The following TBXT variants were observed in gnomAD, a reference collection of about 807,000 sequenced individuals.
TBXT encodes T brachyury transcription factor.
Under a neutral mutation model 41.1 loss-of-function variants are expected in TBXT, and 19 were observed. That is an observed-to-expected ratio of 0.46 (90% CI 0.32 to 0.68). The LOEUF (loss-of-function observed/expected upper bound fraction) is 0.68. TBXT is among the 30% of genes least tolerant of loss of function. The pLI, the probability that TBXT is intolerant of heterozygous loss-of-function variation, is 0.03. For missense variants in TBXT, 536 were observed against 582.0 expected (o/e 0.92, Z 0.81); for synonymous variants, 213 against 238.9 (o/e 0.89, Z 1.00).
intron 2 of TBXT, 56 bp downstream of exon 2, chr6:166,166,536 G>A: frequency 1.2e-6 from 2 of 1,611,610 alleles, no homozygotes; most frequent in Non-Finnish European, 1.7e-6. Context: ...CGTGCAGAAG[G>A]CGCAGCGCGG....
chr6:166,159,109 T>C (rs1778876517), intron 7 of TBXT, among the ~76,000 whole-genome samples: 1 of 152,196 alleles, frequency 6.6e-6, no homozygotes, highest in Non-Finnish European at 1.5e-5. Context: ...GAGGCAGATG[T>C]TGCAGTGAGC....
intron 6 of TBXT, among the ~76,000 whole-genome samples, chr6:166,161,957 G>C (rs1778970896): frequency 6.6e-6 from 1 of 152,216 alleles, no homozygotes; most frequent in African/African-American, 2.4e-5. Flanking sequence ...CCCACCAAGA[G>C]CTGCTGCCTG....
upstream of TBXT, chr6:166,167,896 G>T (rs1779183895): frequency 2.1e-6 from 1 of 482,028 alleles, no homozygotes; most frequent in Admixed American, 3.4e-5. Context: ...AGCCGCGGCG[G>T]CAGCGCTGGG....
In TBXT at chr6:166,166,876, C is replaced by G; in HGVS notation, c.207-20G>C. The G allele has an allele frequency of 6.2e-7, 1 of 1,613,118 alleles. No individual in the cohort carries two copies. Among genetic ancestry groups the G allele is most frequent in the Non-Finnish European group, 8.5e-7 (1 of 1,180,034 alleles). On this transcript the variant is annotated intron_variant, in intron 1 of 7. Transcript: ENST00000366876. ...ATCCTCCTGGAAAACACGGGGCGGG[C>G]GCAGGAGGACCCCGACACTGACCAG... is the stretch of plus-strand genomic sequence containing the variant.
At chr6:166,167,978 C>A, upstream of TBXT, 2 of 311,230 alleles carry the variant, frequency 6.4e-6, no homozygotes, top group Non-Finnish European at 1.2e-5. Context: ...GCGGCCATAT[C>A]AGACCCAGCC....
In TBXT at chr6:166,158,037, T is replaced by C. The variant is rs3099270; in HGVS notation, c.*278A>G. On this transcript the variant is annotated 3_prime_UTR_variant, in exon 8 of 8. Coordinates refer to ENST00000366876, the MANE Select transcript of TBXT (RefSeq NM_001366285.2). ...TTTCTGGACCCTGGCAAACATTTTT[T>C]CACCGTCAGTGAGGTTGGGCCAACT... 0.74 allele frequency: 425,182 copies of C among 570,918 alleles called. 159,292 individuals are homozygous for C. Among genetic ancestry groups the C allele is most frequent in the East Asian group, 0.87 (29,115 of 33,372 alleles). The allele number at this position is 570,918 out of a possible 1,614,324, so 35.4% of individuals were successfully genotyped here.
Position 166,162,318 on chromosome 6 carries a change from C to G in TBXT, c.907+129G>C, listed in dbSNP as rs1778982475. On this transcript the variant is annotated intron_variant, in intron 6 of 7. Coordinates refer to ENST00000366876, the MANE Select transcript of TBXT (RefSeq NM_001366285.2). ...GATCTTCTCTTGAGCTACTAAAAAA[C>G]TGGGCTTGGGTATGTGTTCCAGAAA... The G allele has an allele frequency of 5.9e-6, 6 of 1,016,178 alleles. No homozygotes were observed. In the East Asian group the frequency reaches 1.5e-4, roughly 25 times the overall value. The allele number at this position is 1,016,178 out of a possible 1,614,324, so 62.9% of individuals were successfully genotyped here.
chr6:166,166,397 C>G (rs1296888764), intron 2 of TBXT, among the ~76,000 whole-genome samples, 195 bp downstream of exon 2: 1 of 152,238 alleles, frequency 6.6e-6, no homozygotes, highest in Non-Finnish European at 1.5e-5. Flanking sequence ...CTCCCGCTCC[C>G]CGTTCGCCAG....
At position 166,167,371 on chromosome 6, in the gene TBXT, C is replaced by T. The variant is rs758077468; in HGVS notation, c.206+15G>A. The stretch of plus-strand genomic sequence containing the variant: ...TGGAGAGCGCGGCGCGCGCGGGCTC[C>T]GGACGCGCACCCACCTGCCGTTCTT... On this transcript the variant is annotated intron_variant, in intron 1 of 7. Coordinates refer to ENST00000366876, the MANE Select transcript of TBXT (RefSeq NM_001366285.2). 1.9e-6 allele frequency: 3 copies of T among 1,611,888 alleles called. No homozygotes were observed. The highest frequency in any genetic ancestry group is 2.5e-6 in the Non-Finnish European group (3 of 1,179,756).
At chr6:166,159,889 C>T (rs1048436718) in intron 7 of TBXT, among the ~76,000 whole-genome samples, 12 of 152,154 alleles carry the variant, frequency 7.9e-5, no homozygotes, top group African/African-American at 1.7e-4. Flanking sequence ...GCTTCTGGGG[C>T]GATGCTCTTG....
In TBXT at chr6:166,166,465, T is replaced by C. The variant is rs966169197; in HGVS notation, c.471+127A>G. On this transcript the variant is annotated intron_variant, in intron 2 of 7. Coordinates refer to ENST00000366876, the MANE Select transcript of TBXT (RefSeq NM_001366285.2). Reference sequence around the variant, plus strand: ...CTAAAGGCCTTATTAGAGAAGGCTGTGGCAGTTTCTCCAGGGCAGACGTCG... The same window carrying C: ...CTAAAGGCCTTATTAGAGAAGGCTGCGGCAGTTTCTCCAGGGCAGACGTCG... 1.5e-5 allele frequency: 22 copies of C among 1,433,602 alleles called. No individual in the cohort carries two copies. In the South Asian group the frequency reaches 2.4e-4, roughly 16 times the overall value. The allele number at this position is 1,433,602 out of a possible 1,614,324, so 88.8% of individuals were successfully genotyped here.
In TBXT at chr6:166,167,811, T is replaced by G; in HGVS notation, c.-220A>C. ...GGGGCAGAGGGGTGGGGAGAAGTTA[T>G]TCCACTTGAACTCCCCAAGGCTCTA... is the stretch of plus-strand genomic sequence containing the variant. On this transcript the variant is annotated 5_prime_UTR_variant, in exon 1 of 8. Coordinates refer to ENST00000366876, the MANE Select transcript of TBXT (RefSeq NM_001366285.2). 1 of 612,440 alleles carries G rather than the reference T, an allele frequency of 1.6e-6. No individual in the cohort carries two copies. The highest frequency in any genetic ancestry group is 2.9e-6 in the Non-Finnish European group (1 of 348,496). 37.9% of individuals were successfully genotyped at this position (612,440 alleles called of 1,614,324 possible).
chr6:166,164,924 A>G, intron 3 of TBXT, 63 bp from the exon 4 acceptor site: 1 of 1,411,376 alleles, frequency 7.1e-7, no homozygotes, highest in East Asian at 2.3e-5. Context: ...TTAATTTGGC[A>G]CCAAGAAATT....
intron 3 of TBXT, among the ~76,000 whole-genome samples, chr6:166,165,503 A>C (rs552496525): frequency 2.0e-5 from 3 of 152,344 alleles, no homozygotes; most frequent in Non-Finnish European, 2.9e-5. Context: ...TGGAGAATTC[A>C]AGGGGAAAAT....
rs563354649 is a variant in TBXT, at chr6:166,160,972, G to T, written c.908-6C>A. 1.9e-6 allele frequency: 3 copies of T among 1,613,674 alleles called. No individual in the cohort carries two copies. The highest frequency in any genetic ancestry group is 1.7e-5 in the Admixed American group (1 of 59,994). On this transcript the variant is annotated splice_region_variant and splice_polypyrimidine_tract_variant and intron_variant, in intron 6 of 7. Coordinates refer to ENST00000366876, the MANE Select transcript of TBXT (RefSeq NM_001366285.2). Reference sequence around the variant, plus strand: ...AGGTGAGTTGTCAGAATAGGCTAAGGGGGGAAGGTAACAAAGTGCAATTAT... The same window carrying T: ...AGGTGAGTTGTCAGAATAGGCTAAGTGGGGAAGGTAACAAAGTGCAATTAT...
Position 166,167,691 on chromosome 6 carries a change from GC to G in TBXT, c.-101del. 1 of 1,492,974 alleles carries G rather than the reference GC, an allele frequency of 6.7e-7. No individual in the cohort carries two copies. The highest frequency in any genetic ancestry group is 9.0e-7 in the Non-Finnish European group (1 of 1,110,630). 92.5% of individuals were successfully genotyped at this position (1,492,974 alleles called of 1,614,324 possible). A position where few individuals can be genotyped will look rare whatever the true frequency, so the allele number is the denominator to read the frequency against. Reference sequence around the variant, plus strand: ...GGCCGCCGCCCTTCCGAGAAAAGGGGCCCCTTGGACCGAGACCTGCGACGGC... The same window carrying G: ...GGCCGCCGCCCTTCCGAGAAAAGGGGCCCTTGGACCGAGACCTGCGACGGC... On this transcript the variant is annotated 5_prime_UTR_variant, in exon 1 of 8. Transcript: ENST00000366876.
At position 166,167,432 on chromosome 6, in the gene TBXT, G is replaced by T; in HGVS notation, c.160C>A (p.Arg54Ser). 1.9e-6 allele frequency: 3 copies of T among 1,613,166 alleles called. No homozygotes were observed. The highest frequency in any genetic ancestry group is 1.6e-4 in the Middle Eastern group (1 of 6,062). ...ATCTCATTGGTGAGCTCCTTGAAGC[G>T]CAGCCACAGCTCGCTCTCCTCCAGG... Reference protein sequence around the residue: ...VGLEESELWLRFKELTNEMIV... With the variant: ...VGLEESELWLSFKELTNEMIV... Residue 54 changes from arginine (R) to serine (S), a missense_variant, in exon 1 of 8, where the codon CGC (arginine) becomes AGC (serine). Transcript: ENST00000366876.
At chr6:166,161,047 C>T in intron 6 of TBXT, 81 bp from the exon 7 acceptor site, 1 of 1,567,540 alleles carries the variant, frequency 6.4e-7, no homozygotes, top group Non-Finnish European at 8.7e-7. Context: ...CCACCAATAA[C>T]TGAAGCTACG....
In TBXT at chr6:166,167,476, T is replaced by A. The variant is rs751315759; in HGVS notation, c.116A>T (p.Glu39Val). ...QAGSEKGDPT[E>V]RELRVGLEES... ...CTCCAGGCCCACGCGCAGTTCGCGC[T>A]CTGTGGGGTCGCCCTTCTCGCTGCC... is the stretch of plus-strand genomic sequence containing the variant. The change falls in exon 1 of 8, where the codon GAG (glutamate) becomes GTG (valine). Residue 39 changes from glutamate (E) to valine (V), a missense_variant. Glu to Val is a moderately radical substitution (Grantham distance 121). Transcript: ENST00000366876. 6.2e-7 allele frequency: 1 copy of A among 1,611,780 alleles called. No individual in the cohort carries two copies. Among genetic ancestry groups the A allele is most frequent in the East Asian group, 2.2e-5 (1 of 44,846 alleles).
Sources: allele counts gnomAD v4.1 joint callset (sites outside exome capture counted in the v4.1 genomes callset), GRCh38; gene constraint gnomAD v4.1.1; transcripts MANE v1.5; gene names NCBI Gene and HGNC (gene_info 2026-07-23, HGNC 2026-07-21).